TNFRSF1B: variants seen among roughly 807,000 people sequenced by gnomAD.
TNFRSF1B encodes the protein TNF receptor superfamily member 1B, also known as tumor necrosis factor receptor superfamily member 1B.
TNFRSF1B carries 19 observed loss-of-function variants against 44.6 expected under a neutral mutation model. The ratio of observed to expected loss-of-function variants is 0.43; its 90% CI spans 0.30 to 0.62. The LOEUF (loss-of-function observed/expected upper bound fraction) is 0.62. Among genes scored for constraint, TNFRSF1B ranks in the 20% least tolerant of loss-of-function variants. TNFRSF1B has a pLI of 0.16. For missense variants in TNFRSF1B, 541 were observed against 619.9 expected (o/e 0.87, Z 1.35); for synonymous variants, 252 against 261.1 (o/e 0.97, Z 0.34).
At chr1:12,192,007 A>T in intron 4 of TNFRSF1B, 84 bp downstream of exon 4, 3 of 1,520,192 alleles carry the variant, frequency 2.0e-6, no homozygotes, top group Non-Finnish European at 2.7e-6. Flanking sequence ...GCATCAACCC[A>T]TTAATTAGTC....
In TNFRSF1B at chr1:12,187,747, T is replaced by A. The variant is rs149854905; in HGVS notation, c.79-1049T>A. 1.8e-3 allele frequency among the ~76,000 whole-genome samples: 279 copies of A among 152,294 alleles called. No individual in the cohort carries two copies. Among genetic ancestry groups the A allele is most frequent in the Non-Finnish European group, 2.7e-3 (184 of 68,010 alleles). On this transcript the variant is annotated intron_variant, in intron 1 of 9. Transcript: ENST00000376259. This position sits in a 1 kb window ranked among gnomAD's most constrained non-coding sequence, Gnocchi z 5.5. ...CCAGAAGCAGAGCCTGAGGCAGGGA[T>A]CTTTGTGAAAGTGATTTGCTAGGGA... is the stretch of plus-strand genomic sequence containing the variant.
intron 9 of TNFRSF1B, 133 bp from the exon 10 acceptor site, chr1:12,206,607 G>C (rs552725216): frequency 1.0e-6 from 1 of 960,092 alleles, no homozygotes; most frequent in East Asian, 2.7e-5. Flanking sequence ...CAGCAGAGCT[G>C]GGCTAGAATC....
At position 12,169,317 on chromosome 1, in the gene TNFRSF1B, C is replaced by A. The variant is rs1048574745; in HGVS notation, c.78+2148C>A. 6.6e-6 allele frequency among the ~76,000 whole-genome samples: 1 copy of A among 152,180 alleles called. No individual in the cohort carries two copies. Among genetic ancestry groups the A allele is most frequent in the African/African-American group, 2.4e-5 (1 of 41,414 alleles). On this transcript the variant is annotated intron_variant, in intron 1 of 9. Transcript: ENST00000376259. This position sits in a 1 kb window ranked among gnomAD's most constrained non-coding sequence, Gnocchi z 4.5. ...CGCCATAGCTCCTGATTTCTGAACA[C>A]CCACTAAACACCAGGCACTGGGCTA...
Position 12,207,492 on chromosome 1 carries a change from T to C in TNFRSF1B, c.*472T>C, listed in dbSNP as rs5746067. On this transcript the variant is annotated 3_prime_UTR_variant, in exon 10 of 10. Transcript: ENST00000376259. ...GGAGGGATGCTGCCTGAGTCACCCATGAAGACAGGACAGTGCTTCAGCCTG... is the reference window on the plus strand; with the variant it reads ...GGAGGGATGCTGCCTGAGTCACCCACGAAGACAGGACAGTGCTTCAGCCTG... The C allele has an allele frequency of 1.1e-3, 182 of 159,240 alleles. 4 individuals carry two copies. In the South Asian group the frequency reaches 0.034, roughly 30 times the overall value. The allele number at this position is 159,240 out of a possible 1,614,324, so 9.9% of individuals were successfully genotyped here. A position where few individuals can be genotyped will look rare whatever the true frequency, so the allele number is the denominator to read the frequency against.
rs748149623 is a variant in TNFRSF1B, at chr1:12,191,006, C to T, written c.228C>T (p.Asp76=). The part of the protein sequence containing the change: ...FCTKTSDTVC[D]SCEDSTYTQL... The stretch of plus-strand genomic sequence containing the variant: ...CCAAGACCTCGGACACCGTGTGTGA[C>T]TCCTGTGAGGACAGCACATACACCC... Residue 76 remains aspartate (D), a synonymous_variant, in exon 3 of 10, where the codon GAC becomes GAT. Coordinates refer to ENST00000376259, the MANE Select transcript of TNFRSF1B (RefSeq NM_001066.3). 6.2e-7 allele frequency: 1 copy of T among 1,614,222 alleles called. No individual in the cohort carries two copies. The highest frequency in any genetic ancestry group is 1.7e-5 in the Admixed American group (1 of 60,022).
At chr1:12,194,960 G>A (rs1000730939) in intron 8 of TNFRSF1B, among the ~76,000 whole-genome samples, 3 of 152,248 alleles carry the variant, frequency 2.0e-5, no homozygotes, top group Admixed American at 6.5e-5. Flanking sequence ...CCAGCCTGCA[G>A]GGTGGTGCCA....
At chr1:12,205,105 A>G (rs1231541763) in intron 9 of TNFRSF1B, among the ~76,000 whole-genome samples, 1 of 152,220 alleles carries the variant, frequency 6.6e-6, no homozygotes, top group East Asian at 1.9e-4. Context: ...AGGAGATCAC[A>G]GAAATGGGGA....
At chr1:12,172,178 C>T (rs895932558) in intron 1 of TNFRSF1B, among the ~76,000 whole-genome samples, 2 of 152,110 alleles carry the variant, frequency 1.3e-5, no homozygotes, top group African/African-American at 2.4e-5. Flanking sequence ...TTTGGGGTGC[C>T]GGGGATGAAC....
chr1:12,177,544 C>T lies in TNFRSF1B; in HGVS notation c.78+10375C>T, dbSNP rs868574986. Among the ~76,000 whole-genome samples, 4 of 152,286 alleles carry T rather than the reference C, an allele frequency of 2.6e-5. No individual in the cohort carries two copies. The highest frequency in any genetic ancestry group is 6.5e-5 in the Admixed American group (1 of 15,300). On this transcript the variant is annotated intron_variant, in intron 1 of 9. Transcript: ENST00000376259. The surrounding 1 kb of genome is among the most constrained non-coding windows in gnomAD (Gnocchi z 4.3). ...GCTACCCCTGTGCCTCCAGACCCCT[C>T]GAGCTCCTCCCAGACCTTTGGCTTC...
rs1266715777 is a variant in TNFRSF1B, at chr1:12,191,879, C to T, written c.413C>T (p.Ala138Val). 1.9e-6 allele frequency: 3 copies of T among 1,610,686 alleles called. No individual in the cohort carries two copies. Among genetic ancestry groups the T allele is most frequent in the South Asian group, 2.2e-5 (2 of 90,930 alleles). ...AAGCAGGAGGGGTGCCGGCTGTGCG[C>T]GCCGCTGCGCAAGTGCCGCCCGGGC... ...LSKQEGCRLC[A>V]PLRKCRPGFG... The change falls in exon 4 of 10, where the codon GCG becomes GTG. Residue 138 changes from alanine (A) to valine (V), a missense_variant. Physicochemically the swap from Ala to Val is moderately conservative, Grantham distance 64. Coordinates refer to ENST00000376259, the MANE Select transcript of TNFRSF1B (RefSeq NM_001066.3).
chr1:12,176,332 G>A (rs1638656679), intron 1 of TNFRSF1B, among the ~76,000 whole-genome samples: 1 of 152,224 alleles, frequency 6.6e-6, no homozygotes, highest in African/African-American at 2.4e-5. Flanking sequence ...AGCAGCACAC[G>A]AGGCTGTAAG....
Position 12,206,835 on chromosome 1 carries a change from G to A in TNFRSF1B, c.1201G>A (p.Ala401Thr). 1 of 1,614,216 alleles carries A rather than the reference G, an allele frequency of 6.2e-7. No homozygotes were observed. The highest frequency in any genetic ancestry group is 8.5e-7 in the Non-Finnish European group (1 of 1,180,032). ...CCACAGCTCACAGTGCTCCTCCCAA[G>A]CCAGCTCCACAATGGGAGACACAGA... The part of the protein sequence containing the change: ...SDHSSQCSSQ[A>T]SSTMGDTDSS... The change falls in exon 10 of 10, where the codon GCC (alanine) becomes ACC (threonine). Residue 401 changes from alanine (A) to threonine (T), a missense_variant. Ala to Thr is a moderately conservative substitution (Grantham distance 58, BLOSUM62 0). Transcript: ENST00000376259.
chr1:12,188,410 A>C (rs1639033650), intron 1 of TNFRSF1B, among the ~76,000 whole-genome samples: 1 of 152,150 alleles, frequency 6.6e-6, no homozygotes, highest in Non-Finnish European at 1.5e-5. Context: ...TTTCAGGTGC[A>C]GGAGGGAAGG....
At chr1:12,179,232 G>A (rs955474080) in intron 1 of TNFRSF1B, among the ~76,000 whole-genome samples, 3 of 152,134 alleles carry the variant, frequency 2.0e-5, no homozygotes, top group South Asian at 2.1e-4. Flanking sequence ...TGTCACCCCC[G>A]GGTTGCCTGC....
At chr1:12,204,869 G>C (rs1411971054) in intron 9 of TNFRSF1B, among the ~76,000 whole-genome samples, 4 of 152,042 alleles carry the variant, frequency 2.6e-5, no homozygotes, top group African/African-American at 9.7e-5. Context: ...ACACAGCAGG[G>C]AACAATCAAA....
At chr1:12,191,971 T>TG (rs764377878) in intron 4 of TNFRSF1B, 48 bp downstream of exon 4, 1 of 1,583,462 alleles carries the variant, frequency 6.3e-7, no homozygotes, top group East Asian at 2.2e-5. Context: ...GGCCTCTCCT[T>TG]TGTAGACATC....
chr1:12,179,443 G>A lies in TNFRSF1B; in HGVS notation c.79-9353G>A, dbSNP rs955209522. 3.9e-5 allele frequency among the ~76,000 whole-genome samples: 6 copies of A among 152,168 alleles called. No individual in the cohort carries two copies. The East Asian group carries it at 5.8e-4, about 15-fold the overall frequency. On this transcript the variant is annotated intron_variant, in intron 1 of 9. Transcript: ENST00000376259. Reference sequence around the variant, plus strand: ...CCTCCCACCACGCCCTAGGGGCCCCGCGACCCGCCATGCAAATGACGTGGT... The same window carrying A: ...CCTCCCACCACGCCCTAGGGGCCCCACGACCCGCCATGCAAATGACGTGGT...
intron 1 of TNFRSF1B, among the ~76,000 whole-genome samples, chr1:12,170,834 T>A (rs1638505839): frequency 7.5e-6 from 1 of 132,976 alleles, no homozygotes; most frequent in East Asian, 2.1e-4. Flanking sequence ...GCCCAACTAA[T>A]TTTTTTTTTT....
chr1:12,188,772 G>A (rs762824049), intron 1 of TNFRSF1B, 24 bp from the exon 2 acceptor site: 32 of 1,609,066 alleles, frequency 2.0e-5, no homozygotes, highest in Non-Finnish European at 2.6e-5. Flanking sequence ...CCTGTTGATG[G>A]CAGTCTTCCC....
Sources: allele counts gnomAD v4.1 joint callset (sites outside exome capture counted in the v4.1 genomes callset), GRCh38; gene constraint gnomAD v4.1.1; non-coding constraint Gnocchi (gnomAD v3.1); transcripts MANE v1.5; gene names NCBI Gene and HGNC (gene_info 2026-07-23, HGNC 2026-07-21).